The following CSMD1 variants were observed in gnomAD, a reference collection of about 807,000 sequenced individuals.
CSMD1 encodes the protein CUB and Sushi multiple domains 1, also known as CUB and sushi domain-containing protein 1.
In CSMD1, 213 loss-of-function variants were observed where a neutral mutation model predicts 417.5. That is an observed-to-expected ratio of 0.51 (90% confidence interval 0.46 to 0.57). The LOEUF (loss-of-function observed/expected upper bound fraction) is 0.57, where lower values mean the gene tolerates loss of function less well. Ranked by LOEUF, CSMD1 falls within the 20% of genes least tolerant of loss-of-function variation. The pLI is 0.00. For missense variants in CSMD1, 6,923 were observed against 4,529.7 expected, an observed-to-expected ratio of 1.53 and a Z score of -15.17; for synonymous variants, 2,862 against 1,736.8, an observed-to-expected ratio of 1.65 and a Z score of -16.11.
At chr8:3,725,342 C>T (rs2623756) in intron 6 of CSMD1, among the ~76,000 whole-genome samples, 1 of 152,068 alleles carries the variant, frequency 6.6e-6, no homozygotes, top group African/African-American at 2.4e-5. Context: ...CATATCCCTG[C>T]ATGGACAGGG....
rs374597074 is a variant in CSMD1 at position 3,359,207 on chromosome 8, A to G, written c.3249T>C (p.Leu1083=). The G allele has an allele frequency of 3.7e-6, 6 of 1,613,848 alleles. No homozygotes were observed. Among genetic ancestry groups the G allele is most frequent in the African/African-American group, 1.3e-5 (1 of 74,914 alleles). ...LGYRLEGATK[L]TCLGGGRRVW... Reference sequence around the variant, plus strand: ...CACGGCGGCCCCCACCCAGGCAGGTAAGCTTGGTGGCACCTTCTAAACGAT... The same window carrying G: ...CACGGCGGCCCCCACCCAGGCAGGTGAGCTTGGTGGCACCTTCTAAACGAT... The change falls in exon 21 of 70, where the codon CTT becomes CTC. Residue 1083 remains leucine (L), a synonymous_variant. Transcript: ENST00000635120.
chr8:3,347,033 G>C (rs1808051262), intron 22 of CSMD1, among the ~76,000 whole-genome samples: 1 of 152,086 alleles, frequency 6.6e-6, no homozygotes, highest in African/African-American at 2.4e-5. Context: ...GAATTGTCTT[G>C]CGGCACGCAT....
intron 5 of CSMD1, among the ~76,000 whole-genome samples, chr8:3,954,716 A>T (rs371473897): frequency 6.6e-6 from 1 of 152,224 alleles, no homozygotes; most frequent in East Asian, 1.9e-4. Flanking sequence ...CCCTTAGGGC[A>T]GGCTGCCCGC....
chr8:4,170,376 T>A (rs2680612), intron 3 of CSMD1, among the ~76,000 whole-genome samples: 3 of 151,700 alleles, frequency 2.0e-5, no homozygotes, highest in East Asian at 1.9e-4. Context: ...TTATGAAAAA[T>A]TGAATTCAAG....
intron 3 of CSMD1, among the ~76,000 whole-genome samples, chr8:4,074,821 C>T (rs559587134): frequency 1.3e-5 from 2 of 152,006 alleles, no homozygotes; most frequent in African/African-American, 4.8e-5. Flanking sequence ...TTCCATGATG[C>T]CTTTTTCTTG....
At chr8:4,125,446 C>T (rs1802707984) in intron 3 of CSMD1, among the ~76,000 whole-genome samples, 1 of 152,160 alleles carries the variant, frequency 6.6e-6, no homozygotes, top group Admixed American at 6.5e-5. Flanking sequence ...GCTTGATGTC[C>T]CATGTCTCCC....
intron 1 of CSMD1, among the ~76,000 whole-genome samples, chr8:4,831,792 C>G (rs1800165347): frequency 6.6e-6 from 1 of 152,170 alleles, no homozygotes; most frequent in Non-Finnish European, 1.5e-5. Flanking sequence ...AGCAGGTCCC[C>G]TTCAGGGACC....
intron 5 of CSMD1, among the ~76,000 whole-genome samples, chr8:3,995,181 T>A (rs1239382982): frequency 6.6e-6 from 1 of 152,186 alleles, no homozygotes; most frequent in Non-Finnish European, 1.5e-5. Context: ...CTTAAAAGGG[T>A]ACTTCAAATT....
chr8:3,938,430 A>G (rs1466171436), intron 5 of CSMD1, among the ~76,000 whole-genome samples: 1 of 152,290 alleles, frequency 6.6e-6, no homozygotes, highest in Non-Finnish European at 1.5e-5. Context: ...AGAATAGTAG[A>G]GCTTAATGTC....
At chr8:4,698,212 T>A (rs745362599) in intron 1 of CSMD1, among the ~76,000 whole-genome samples, 2 of 151,890 alleles carry the variant, frequency 1.3e-5, no homozygotes, top group Non-Finnish European at 2.9e-5. Flanking sequence ...TTAATGTAAT[T>A]AAGTAAGCCC....
At chr8:4,554,828 G>A (rs1358824251) in intron 2 of CSMD1, among the ~76,000 whole-genome samples, 1 of 152,190 alleles carries the variant, frequency 6.6e-6, no homozygotes, top group Admixed American at 6.5e-5. Flanking sequence ...TATTTTCTGA[G>A]TAAGCATTGA....
Position 3,971,123 on chromosome 8 carries a change from G to A in CSMD1, c.818+26780C>T, listed in dbSNP as rs531452647. Among the ~76,000 whole-genome samples, 5 of 152,134 alleles carry A rather than the reference G, an allele frequency of 3.3e-5. No homozygotes were observed. In the East Asian group the frequency reaches 9.7e-4, roughly 30 times the overall value. On this transcript the variant is annotated intron_variant, in intron 5 of 69. Coordinates refer to ENST00000635120, the MANE Select transcript of CSMD1 (RefSeq NM_033225.6). Reference sequence around the variant, plus strand: ...GAACCATGTGATCCAACATGGTGCTGAAATCACACGGTGTTAAATATTCTA... The same window carrying A: ...GAACCATGTGATCCAACATGGTGCTAAAATCACACGGTGTTAAATATTCTA...
intron 3 of CSMD1, among the ~76,000 whole-genome samples, chr8:4,372,456 C>A (rs181752727): frequency 6.6e-6 from 1 of 151,396 alleles, no homozygotes; most frequent in African/African-American, 2.4e-5. Flanking sequence ...GAACTCAATT[C>A]AAGGGCAATA....
chr8:4,072,195 T>C (rs552091345), intron 3 of CSMD1, among the ~76,000 whole-genome samples: 42 of 152,368 alleles, frequency 2.8e-4, no homozygotes, highest in African/African-American at 9.4e-4. Context: ...TTTTCTGTTT[T>C]ACGTATTTAT....
chr8:4,668,448 T>TATC (rs1350495932), intron 1 of CSMD1, among the ~76,000 whole-genome samples: 23 of 146,422 alleles, frequency 1.6e-4, no homozygotes, highest in African/African-American at 5.2e-4. Flanking sequence ...TTATTATTAT[T>TATC]ATTATTATTA....
At chr8:4,603,423 A>G (rs1563326172) in intron 2 of CSMD1, among the ~76,000 whole-genome samples, 3 of 152,100 alleles carry the variant, frequency 2.0e-5, no homozygotes, top group Non-Finnish European at 4.4e-5. Context: ...TGGAATTTTA[A>G]AACTCCATTC....
intron 17 of CSMD1, among the ~76,000 whole-genome samples, chr8:3,394,233 T>C (rs923796096): frequency 1.4e-5 from 2 of 146,742 alleles, no homozygotes; most frequent in African/African-American, 4.9e-5. Context: ...TACTTACATA[T>C]TAAATTATTA....
intron 1 of CSMD1, among the ~76,000 whole-genome samples, chr8:4,899,959 T>C (rs561962496): frequency 6.6e-6 from 1 of 152,320 alleles, no homozygotes; most frequent in South Asian, 2.1e-4. Context: ...GAAATAGTTG[T>C]TAAATAAATG....
At chr8:4,129,338 T>C (rs1359652148) in intron 3 of CSMD1, among the ~76,000 whole-genome samples, 1 of 152,140 alleles carries the variant, frequency 6.6e-6, no homozygotes, top group Non-Finnish European at 1.5e-5. Flanking sequence ...GAATTCATTT[T>C]TTGAACCTTC....
Sources: gnomAD v4.1 joint callset for allele counts (sites outside exome capture counted in the v4.1 genomes callset) on GRCh38, gnomAD v4.1.1 for gene constraint, MANE v1.5 for transcripts, NCBI Gene and HGNC (gene_info 2026-07-23, HGNC 2026-07-21) for gene names.